The following MMP26 variants were observed in gnomAD, a reference collection of about 807,000 sequenced individuals.
MMP26 encodes matrix metalloproteinase-26.
Under a neutral mutation model 31.0 loss-of-function variants are expected in MMP26, and 33 were observed. That is an observed-to-expected ratio of 1.06 (90% CI 0.81 to 1.42). The LOEUF is 1.42. MMP26 is among the 40% of genes most tolerant of loss of function. MMP26 has a pLI of 0.00. For missense variants in MMP26, 347 were observed against 316.1 expected (o/e 1.10, Z -0.74); for synonymous variants, 122 against 114.9 (o/e 1.06, Z -0.40).
At chr11:4,859,072 C>A (rs1282402933) in intron 2 of MMP26, among the ~76,000 whole-genome samples, 1 of 152,162 alleles carries the variant, frequency 6.6e-6, no homozygotes, top group Non-Finnish European at 1.5e-5. Context: ...AAAATTAATT[C>A]AAGATGGATT....
At chr11:4,850,761 A>T (rs1849964319) in intron 2 of MMP26, among the ~76,000 whole-genome samples, 1 of 151,916 alleles carries the variant, frequency 6.6e-6, no homozygotes, top group South Asian at 2.1e-4. Flanking sequence ...AAAAAGGAAG[A>T]TAAATGCAAC....
At chr11:4,983,112 T>C (rs905204741) in intron 2 of MMP26, among the ~76,000 whole-genome samples, 1 of 152,208 alleles carries the variant, frequency 6.6e-6, no homozygotes, top group African/African-American at 2.4e-5. Context: ...TATGCCATTC[T>C]CTCAGTTGAA....
chr11:4,881,744 T>A, intron 2 of MMP26: 1 of 702,670 alleles, frequency 1.4e-6, no homozygotes, highest in Non-Finnish European at 2.4e-6. Flanking sequence ...ATATACTATT[T>A]AACCTTCCTG....
chr11:4,723,322 T>A, intron 1 of MMP26: 3 of 972,118 alleles, frequency 3.1e-6, no homozygotes, highest in East Asian at 4.8e-5. Context: ...CATCTGCAGC[T>A]CCTCATACTT....
chr11:4,769,144 C>T (rs1848672813), intron 2 of MMP26: 3 of 1,612,872 alleles, frequency 1.9e-6, no homozygotes, highest in Admixed American at 1.7e-5. Flanking sequence ...AGGACAGGCT[C>T]AGCATGTGGA....
intron 1 of MMP26, among the ~76,000 whole-genome samples, chr11:4,753,430 C>G (rs1049557064): frequency 1.3e-5 from 2 of 152,064 alleles, no homozygotes; most frequent in Admixed American, 6.6e-5. Context: ...ACCACTTACT[C>G]TCTTGTACTC....
chr11:4,811,065 C>G (rs1288273657), intron 2 of MMP26, among the ~76,000 whole-genome samples: 2 of 152,124 alleles, frequency 1.3e-5, no homozygotes, highest in African/African-American at 2.4e-5. Flanking sequence ...TATCAGCCTA[C>G]AAAATCAGAA....
chr11:4,850,921 A>C (rs902935454), intron 2 of MMP26, among the ~76,000 whole-genome samples: 1 of 150,510 alleles, frequency 6.6e-6, no homozygotes, highest in African/African-American at 2.4e-5. Context: ...ATTTTTTAAT[A>C]AAATATAACT....
At position 4,915,687 on chromosome 11, in the gene MMP26, G is replaced by A. The variant is rs773438165; in HGVS notation, c.-144-72381G>A. 1.6e-5 allele frequency: 25 copies of A among 1,562,522 alleles called. 1 individual carries two copies. In the South Asian group the frequency reaches 2.9e-4, roughly 18 times the overall value. The stretch of plus-strand genomic sequence containing the variant: ...ATTGTGTGAGGAGACAAGGGGGAAG[G>A]TGGGTGCCCTCCAAAATCCTGAAGT... On this transcript the variant is annotated intron_variant, in intron 2 of 7. Transcript: ENST00000380390.
intron 2 of MMP26, among the ~76,000 whole-genome samples, chr11:4,911,751 A>G (rs1321780169): frequency 2.0e-5 from 3 of 152,164 alleles, no homozygotes; most frequent in Non-Finnish European, 4.4e-5. Flanking sequence ...AATCGCTCTC[A>G]ACCCATTACC....
At chr11:4,780,377 A>G (rs180725868) in intron 2 of MMP26, among the ~76,000 whole-genome samples, 2 of 125,054 alleles carry the variant, frequency 1.6e-5, no homozygotes, top group Admixed American at 1.6e-4. Flanking sequence ...CCACTCTGAC[A>G]TATATGTAGT....
At chr11:4,799,007 T>G (rs563499975) in intron 2 of MMP26, among the ~76,000 whole-genome samples, 88 of 152,276 alleles carry the variant, frequency 5.8e-4, no homozygotes, top group African/African-American at 2.0e-3. Context: ...TTGTCTGGCC[T>G]TTTCTTAGTC....
Position 4,837,158 on chromosome 11 carries a change from T to A in MMP26, c.-145+69817T>A, listed in dbSNP as rs532369902. Among the ~76,000 whole-genome samples the A allele has an allele frequency of 3.1e-4, 47 of 152,248 alleles. 3 individuals carry two copies. In the East Asian group the frequency reaches 8.1e-3, roughly 26 times the overall value. Reference sequence around the variant, plus strand: ...TAGGTTGGTGCAAATGTAATTGCTATTTTGTCATTATTTTTAATGGCAAAA... The same window carrying A: ...TAGGTTGGTGCAAATGTAATTGCTAATTTGTCATTATTTTTAATGGCAAAA... On this transcript the variant is annotated intron_variant, in intron 2 of 7. Transcript: ENST00000380390.
At chr11:4,874,632 A>G (rs1389320662) in intron 2 of MMP26, among the ~76,000 whole-genome samples, 1 of 151,606 alleles carries the variant, frequency 6.6e-6, no homozygotes, top group African/African-American at 2.4e-5. Context: ...CAGAAGGGTT[A>G]TGATAAATAC....
At chr11:4,946,926 C>A in intron 2 of MMP26, 1 of 1,606,554 alleles carries the variant, frequency 6.2e-7, no homozygotes, top group South Asian at 1.1e-5. Context: ...TACATGGGCT[C>A]ATGCAAGGAG....
intron 2 of MMP26, among the ~76,000 whole-genome samples, chr11:4,785,310 T>C (rs1233389297): frequency 1.3e-5 from 2 of 152,202 alleles, no homozygotes; most frequent in African/African-American, 4.8e-5. Flanking sequence ...CCATGTCTCA[T>C]CTTATTATAT....
At chr11:4,879,834 G>C (rs997501305) in intron 2 of MMP26, among the ~76,000 whole-genome samples, 11 of 152,132 alleles carry the variant, frequency 7.2e-5, no homozygotes, top group Non-Finnish European at 1.5e-4. Context: ...GACCTCTTAG[G>C]AAGAGGATAT....
At chr11:4,803,297 C>A in intron 2 of MMP26, 2 of 624,468 alleles carry the variant, frequency 3.2e-6, no homozygotes, top group Non-Finnish European at 5.5e-6. Context: ...TCTCTTGCCT[C>A]TAGAGGGTTG....
intron 2 of MMP26, chr11:4,848,302 T>C: frequency 1.9e-6 from 3 of 1,614,024 alleles, no homozygotes; most frequent in Non-Finnish European, 2.5e-6. Flanking sequence ...ATCTCCTTCA[T>C]CTTGACACTA....
Sources: allele counts gnomAD v4.1 joint callset (sites outside exome capture counted in the v4.1 genomes callset), GRCh38; gene constraint gnomAD v4.1.1; transcripts MANE v1.5; gene names NCBI Gene and HGNC (gene_info 2026-07-23, HGNC 2026-07-21).